PLCB4: variants seen among roughly 807,000 people sequenced by gnomAD.
PLCB4 encodes the protein phospholipase C beta 4.
A neutral mutation model predicts 178.8 loss-of-function variants in PLCB4; 77 were observed. That is an observed-to-expected ratio of 0.43 (90% CI 0.36 to 0.52). The LOEUF is 0.52. Among genes scored for constraint, PLCB4 ranks in the 20% least tolerant of loss-of-function variants. The pLI, the probability that PLCB4 is intolerant of heterozygous loss-of-function variation, is 0.00. For missense variants in PLCB4, 1,024 were observed against 1,453.4 expected, an observed-to-expected ratio of 0.70 and a Z score of 4.80; for synonymous variants, 496 against 490.8, an observed-to-expected ratio of 1.01 and a Z score of -0.14.
chr20:9,460,551 G>A (rs1218342617), intron 35 of PLCB4, among the ~76,000 whole-genome samples: 1 of 152,224 alleles, frequency 6.6e-6, no homozygotes, highest in Non-Finnish European at 1.5e-5. Flanking sequence ...TATTGCATTT[G>A]AAATACTGCA....
At chr20:9,203,361 T>C (rs891605507) in intron 2 of PLCB4, among the ~76,000 whole-genome samples, 1 of 152,106 alleles carries the variant, frequency 6.6e-6, no homozygotes, top group Admixed American at 6.5e-5. Flanking sequence ...TAAACCTAGA[T>C]TGAACAGGAA....
intron 2 of PLCB4, among the ~76,000 whole-genome samples, chr20:9,173,988 T>A (rs1375723152): frequency 1.3e-5 from 2 of 152,204 alleles, no homozygotes; most frequent in Non-Finnish European, 2.9e-5. Flanking sequence ...AATATTTATT[T>A]AAAAAACTGA....
At chr20:9,429,634 A>T (rs2041258471) in intron 28 of PLCB4, among the ~76,000 whole-genome samples, 1 of 152,226 alleles carries the variant, frequency 6.6e-6, no homozygotes, top group Non-Finnish European at 1.5e-5. Context: ...AGAGCTTTTC[A>T]TTCTCTGATT....
intron 2 of PLCB4, among the ~76,000 whole-genome samples, chr20:9,105,406 A>G (rs1323646624): frequency 6.6e-6 from 1 of 152,098 alleles, no homozygotes; most frequent in Non-Finnish European, 1.5e-5. Context: ...ATACAAAAAT[A>G]TCAGATTTGT....
chr20:9,117,199 GGAA>G (rs1042311704), intron 2 of PLCB4, among the ~76,000 whole-genome samples: 44 of 152,046 alleles, frequency 2.9e-4, no homozygotes, highest in African/African-American at 1.0e-3. Flanking sequence ...TGAACACATG[GGAA>G]GTTCCTGATA....
chr20:9,319,285 T>G (rs1268897173), intron 4 of PLCB4, among the ~76,000 whole-genome samples: 1 of 152,220 alleles, frequency 6.6e-6, no homozygotes, highest in Non-Finnish European at 1.5e-5. Context: ...ATTGCACTTC[T>G]TTAAACCTGT....
intron 2 of PLCB4, among the ~76,000 whole-genome samples, chr20:9,188,092 C>T (rs1277038696): frequency 6.6e-6 from 1 of 152,150 alleles, no homozygotes; most frequent in Admixed American, 6.5e-5. Flanking sequence ...ATTGATCAGA[C>T]ACAAGTCCCT....
intron 32 of PLCB4, among the ~76,000 whole-genome samples, chr20:9,452,793 T>A: frequency 6.6e-6 from 1 of 152,196 alleles, no homozygotes; most frequent in East Asian, 1.9e-4. Context: ...TATTAAGTGA[T>A]GTAGATTCAA....
chr20:9,122,789 A>G (rs2092000981), intron 2 of PLCB4, among the ~76,000 whole-genome samples: 1 of 152,170 alleles, frequency 6.6e-6, no homozygotes, highest in Non-Finnish European at 1.5e-5. Flanking sequence ...ACTTGTTGTA[A>G]TGAGCTGTCA....
At chr20:9,361,496 G>A (rs2035325652) in intron 7 of PLCB4, among the ~76,000 whole-genome samples, 1 of 152,110 alleles carries the variant, frequency 6.6e-6, no homozygotes. Flanking sequence ...GGGGAGATGG[G>A]GAGTTATTTA....
chr20:9,257,563 G>A (rs1486915881), intron 3 of PLCB4, among the ~76,000 whole-genome samples: 1 of 152,070 alleles, frequency 6.6e-6, no homozygotes, highest in Non-Finnish European at 1.5e-5. Context: ...ATGTTTCATG[G>A]TTCTTTGGGC....
chr20:9,172,769 A>T (rs909738169), intron 2 of PLCB4, among the ~76,000 whole-genome samples: 9 of 152,166 alleles, frequency 5.9e-5, no homozygotes, highest in Non-Finnish European at 1.0e-4. Flanking sequence ...TAAGAACAGA[A>T]TTAACAGGAG....
At position 9,401,531 on chromosome 20, in the gene PLCB4, A is replaced by C. The variant is rs758378211; in HGVS notation, c.1552A>C (p.Asn518His). The change falls in exon 20 of 40, where the codon AAT (asparagine) becomes CAT (histidine). Residue 518 changes from asparagine (N) to histidine (H), a missense_variant. Transcript: ENST00000378473. The part of the protein sequence containing the change: ...EEAHPEFKFG[N>H]ELSADDLGHK... ...AGCTCACCCCGAATTCAAATTTGGA[A>C]ATGAACTTTCTGCTGATGACTTGGG... is the stretch of plus-strand genomic sequence containing the variant. 1 of 1,613,948 alleles carries C rather than the reference A, an allele frequency of 6.2e-7. No homozygotes were observed. The highest frequency in any genetic ancestry group is 8.5e-7 in the Non-Finnish European group (1 of 1,179,916).
chr20:9,112,505 C>T (rs1313833985), intron 2 of PLCB4, among the ~76,000 whole-genome samples: 3 of 152,008 alleles, frequency 2.0e-5, no homozygotes, highest in Admixed American at 6.6e-5. Context: ...CTGCCCACTT[C>T]GACCTCCCAA....
chr20:9,265,737 A>G (rs946509108), intron 3 of PLCB4, among the ~76,000 whole-genome samples: 1 of 152,194 alleles, frequency 6.6e-6, no homozygotes, highest in Non-Finnish European at 1.5e-5. Flanking sequence ...CTCTGATGGT[A>G]AAAATCTTCC....
At chr20:9,113,467 A>G (rs1174348776) in intron 2 of PLCB4, among the ~76,000 whole-genome samples, 2 of 152,286 alleles carry the variant, frequency 1.3e-5, no homozygotes, top group East Asian at 3.9e-4. Context: ...ATTTTATTAT[A>G]TCTTTCAGAT....
At chr20:9,402,265 TAGAA>T (rs1259840802) in intron 20 of PLCB4, among the ~76,000 whole-genome samples, 1 of 152,104 alleles carries the variant, frequency 6.6e-6, no homozygotes, top group Non-Finnish European at 1.5e-5. Flanking sequence ...AATAATGAAG[TAGAA>T]AGAATAAGGA....
intron 17 of PLCB4, 122 bp from the exon 18 acceptor site, chr20:9,393,466 G>T (rs552300336): frequency 1.8e-5 from 11 of 623,354 alleles, no homozygotes; most frequent in Admixed American, 2.9e-5. Flanking sequence ...AGGCTGTGCC[G>T]CCTGCCATCT....
intron 12 of PLCB4, among the ~76,000 whole-genome samples, chr20:9,374,608 C>G (rs1034315503): frequency 3.9e-5 from 6 of 152,158 alleles, no homozygotes; most frequent in Non-Finnish European, 7.4e-5. Context: ...GACAAGGCCT[C>G]TTGTGTTCTT....
Sources: gnomAD v4.1 joint callset for allele counts (sites outside exome capture counted in the v4.1 genomes callset) on GRCh38, gnomAD v4.1.1 for gene constraint, MANE v1.5 for transcripts, NCBI Gene and HGNC (gene_info 2026-07-23, HGNC 2026-07-21) for gene names.